The following TENM2 variants were observed in gnomAD, a reference collection of about 807,000 sequenced individuals.
TENM2 encodes teneurin transmembrane protein 2, also known as teneurin-2.
In TENM2, 52 loss-of-function variants were observed where a neutral mutation model predicts 245.2. The ratio of observed to expected loss-of-function variants is 0.21; its 90% confidence interval spans 0.17 to 0.27. TENM2 has a LOEUF of 0.27. Ranked by LOEUF, TENM2 falls within the 10% of genes least tolerant of loss-of-function variation. The probability of loss-of-function intolerance (pLI) is 1.00; values close to 1 mark genes in which losing one functional copy is unlikely to be tolerated. For missense variants in TENM2, 3,046 were observed against 3,666.8 expected (o/e 0.83, Z 4.37); for synonymous variants, 1,363 against 1,438.9 (o/e 0.95, Z 1.19).
intron 1 of TENM2, among the ~76,000 whole-genome samples, chr5:167,336,484 G>C (rs1757762771): frequency 6.6e-6 from 1 of 151,714 alleles, no homozygotes; most frequent in African/African-American, 2.4e-5. Context: ...TGTGAAGAAA[G>C]TTGAAGAAAG....
At chr5:167,242,365 A>G in the TENM2 span, among the ~76,000 whole-genome samples, 2 of 147,842 alleles carry the variant, frequency 1.4e-5, no homozygotes, top group South Asian at 2.2e-4. Flanking sequence ...AGGTTTTCTA[A>G]TTGATGTACC....
chr5:168,035,915 C>A (rs1056038909), intron 5 of TENM2, among the ~76,000 whole-genome samples: 9 of 152,158 alleles, frequency 5.9e-5, no homozygotes, highest in Non-Finnish European at 1.0e-4. Context: ...TCCTGTAAAG[C>A]TTAAATGAAT....
At chr5:167,786,750 G>A (rs1764604032) in intron 2 of TENM2, among the ~76,000 whole-genome samples, 1 of 152,196 alleles carries the variant, frequency 6.6e-6, no homozygotes, top group South Asian at 2.1e-4. Context: ...CACTCTGTTT[G>A]TTCAGAGCCT....
Position 167,927,934 on chromosome 5 carries a change from G to T in TENM2, c.713-24654G>T, listed in dbSNP as rs1777888514. ...GTTCTGAAATACATATGCCAACGAT[G>T]ATAAAGGCATACTGTAGGAAGACTA... On this transcript the variant is annotated intron_variant, in intron 3 of 28. Transcript: ENST00000518659. 2.6e-5 allele frequency among the ~76,000 whole-genome samples: 4 copies of T among 152,298 alleles called. No homozygotes were observed. In the South Asian group the frequency reaches 8.3e-4, roughly 32 times the overall value.
At chr5:167,733,201 A>G (rs1760559960) in intron 2 of TENM2, among the ~76,000 whole-genome samples, 1 of 151,828 alleles carries the variant, frequency 6.6e-6, no homozygotes, top group Admixed American at 6.6e-5. Context: ...ACATCCACTA[A>G]CTCCTCATCT....
intron 2 of TENM2, among the ~76,000 whole-genome samples, chr5:167,765,751 A>G (rs191745647): frequency 9.2e-5 from 14 of 152,340 alleles, no homozygotes. Flanking sequence ...GAAGATGCAC[A>G]GAGCCTGTTG....
the TENM2 span, among the ~76,000 whole-genome samples, chr5:167,122,157 C>A: frequency 1.3e-5 from 2 of 152,128 alleles, no homozygotes; most frequent in Non-Finnish European, 2.9e-5. Flanking sequence ...CAGTTGAAAT[C>A]TAAACCCTGG....
chr5:168,168,947 G>A (rs1379014754), intron 13 of TENM2, among the ~76,000 whole-genome samples: 1 of 152,076 alleles, frequency 6.6e-6, no homozygotes, highest in African/African-American at 2.4e-5. Context: ...CTGAAAATAA[G>A]CCTTTAGAAA....
chr5:168,073,643 A>C, intron 7 of TENM2, among the ~76,000 whole-genome samples: 1 of 152,208 alleles, frequency 6.6e-6, no homozygotes, highest in Admixed American at 6.5e-5. Context: ...CCAGCTAGGA[A>C]CACATGTTAC....
intron 7 of TENM2, among the ~76,000 whole-genome samples, chr5:168,079,063 C>T (rs1791737958): frequency 6.6e-6 from 1 of 152,208 alleles, no homozygotes; most frequent in African/African-American, 2.4e-5. Flanking sequence ...TATCCATGAG[C>T]ATGGAATGTT....
chr5:167,656,404 G>A (rs1423633740), intron 2 of TENM2, among the ~76,000 whole-genome samples: 2 of 152,104 alleles, frequency 1.3e-5, no homozygotes, highest in South Asian at 2.1e-4. Flanking sequence ...GTGAACAATC[G>A]TGGCATGTTT....
At position 167,929,125 on chromosome 5, in the gene TENM2, G is replaced by GAAAGA. The variant is rs1554148111; in HGVS notation, c.713-23455_713-23451dup. Among the ~76,000 whole-genome samples the GAAAGA allele has an allele frequency of 2.2e-4, 21 of 94,328 alleles. 2 individuals carry two copies. The East Asian group carries it at 4.0e-3, about 18-fold the overall frequency. 61.9% of individuals were successfully genotyped at this position (94,328 alleles called of 152,430 possible). On this transcript the variant is annotated intron_variant, in intron 3 of 28. Coordinates refer to ENST00000518659, the Ensembl canonical transcript of TENM2. ...AGAAAGAAAGAAAGAAAGAAAGAAA[G>GAAAGA]AAAGAAAAGAAAGAAGGGAGGGAGG...
intron 4 of TENM2, among the ~76,000 whole-genome samples, chr5:167,984,151 G>A (rs184749129): frequency 1.0e-3 from 153 of 152,288 alleles, no homozygotes; most frequent in African/African-American, 3.5e-3. Flanking sequence ...AAGCCAGGAT[G>A]CAAACCCTGG....
intron 7 of TENM2, among the ~76,000 whole-genome samples, chr5:168,081,130 A>G (rs566794782): frequency 6.6e-6 from 1 of 152,174 alleles, no homozygotes; most frequent in Non-Finnish European, 1.5e-5. Flanking sequence ...TTGGGTGCAT[A>G]TATATTTAGG....
At chr5:167,434,791 A>G (rs992316450) in intron 2 of TENM2, among the ~76,000 whole-genome samples, 1 of 152,206 alleles carries the variant, frequency 6.6e-6, no homozygotes, top group African/African-American at 2.4e-5. Flanking sequence ...CAGCCATAAT[A>G]TATTATTATT....
intron 26 of TENM2, among the ~76,000 whole-genome samples, chr5:168,245,249 CG>C (rs1562329195): frequency 1.3e-5 from 2 of 151,300 alleles, no homozygotes; most frequent in African/African-American, 4.9e-5. Context: ...GGGTGCTAGA[CG>C]CTCAGTAATG....
intron 1 of TENM2, chr5:167,303,281 C>G (rs933825084): frequency 6.4e-6 from 1 of 155,916 alleles, no homozygotes; most frequent in African/African-American, 2.4e-5. Context: ...TCATGGGCGT[C>G]TGTGTGAAGA....
chr5:167,303,238 G>T, intron 1 of TENM2: 1 of 160,262 alleles, frequency 6.2e-6, no homozygotes, highest in Non-Finnish European at 1.3e-5. Context: ...TCTCCCAAGG[G>T]AGGTCCCCCG....
At chr5:167,181,641 T>C in the TENM2 span, among the ~76,000 whole-genome samples, 1 of 152,122 alleles carries the variant, frequency 6.6e-6, no homozygotes, top group African/African-American at 2.4e-5. Flanking sequence ...ACAGAAAATA[T>C]ATAAATGAGT....
Sources: gnomAD v4.1 joint callset for allele counts (sites outside exome capture counted in the v4.1 genomes callset) on GRCh38, gnomAD v4.1.1 for gene constraint, MANE v1.5 for transcripts, NCBI Gene and HGNC (gene_info 2026-07-23, HGNC 2026-07-21) for gene names.